Variants in C4orf17 observed in about 807,000 individuals in gnomAD.
C4orf17 encodes uncharacterized protein C4orf17.
In C4orf17, 25 loss-of-function variants were observed where a neutral mutation model predicts 32.0. The observed-to-expected ratio is 0.78, with a 90% CI of 0.57 to 1.09. The LOEUF (loss-of-function observed/expected upper bound fraction) is 1.09, where lower values mean the gene tolerates loss of function less well. Ranked by LOEUF, C4orf17 falls within the 50% of genes least tolerant of loss-of-function variation. The probability of loss-of-function intolerance (pLI) is 0.00; values close to 1 mark genes in which losing one functional copy is unlikely to be tolerated. For missense variants in C4orf17, 420 were observed against 420.0 expected (o/e 1.00, Z 0.00); for synonymous variants, 149 against 145.8 (o/e 1.02, Z -0.16).
At chr4:99,529,714 T>C in intron 4 of C4orf17, 101 bp from the exon 5 acceptor site, 1 of 954,744 alleles carries the variant, frequency 1.0e-6, no homozygotes, top group Non-Finnish European at 1.5e-6. Context: ...CATGTATCTC[T>C]CTTATTAGGC....
chr4:99,535,930 T>C (rs1413906098), intron 5 of C4orf17: 1 of 448,304 alleles, frequency 2.2e-6, no homozygotes, highest in Non-Finnish European at 4.4e-6. Context: ...GGCATCTTTG[T>C]TGTTGTTGTT....
intron 5 of C4orf17, among the ~76,000 whole-genome samples, chr4:99,534,776 T>A (rs2110173017): frequency 6.6e-6 from 1 of 152,360 alleles, no homozygotes; most frequent in Non-Finnish European, 1.5e-5. Context: ...GTGAATTTGA[T>A]CCTGTCACCA....
At chr4:99,516,425 G>A (rs1207497297) in intron 2 of C4orf17, among the ~76,000 whole-genome samples, 2 of 152,284 alleles carry the variant, frequency 1.3e-5, no homozygotes, top group East Asian at 3.9e-4. Flanking sequence ...GCATAGAAAT[G>A]ATATTTAAAG....
At chr4:99,527,207 C>T (rs1723404203) in intron 4 of C4orf17, among the ~76,000 whole-genome samples, 1 of 151,948 alleles carries the variant, frequency 6.6e-6, no homozygotes, top group Admixed American at 6.6e-5. Flanking sequence ...GGGGATTTTC[C>T]AGATATCTTT....
Position 99,522,703 on chromosome 4 carries a change from C to T in C4orf17, c.331C>T (p.His111Tyr). The T allele has an allele frequency of 6.2e-7, 1 of 1,612,746 alleles. No homozygotes were observed. Residue 111 changes from histidine to tyrosine, a missense_variant, in exon 3 of 9, where the codon CAT (histidine) becomes TAT (tyrosine). By Grantham distance (83) the His-to-Tyr change is moderately conservative. Coordinates refer to ENST00000326581, the MANE Select transcript of C4orf17 (RefSeq NM_032149.3). ...CGGTGCCAAAGTGCCTCCACGGCCT[C>T]ATTCTGGTGAGTTGAGTTAGAACTG... ...PNGAKVPPRP[H>Y]SEPSRKIKEC...
chr4:99,541,484 A>G (rs1307313225), intron 8 of C4orf17: 2 of 157,854 alleles, frequency 1.3e-5, no homozygotes, highest in Admixed American at 6.5e-5. Context: ...CTTTCTCTCC[A>G]TTGTCGATAT....
intron 2 of C4orf17, 41 bp from the exon 3 acceptor site, chr4:99,522,459 G>A: frequency 1.4e-6 from 2 of 1,476,328 alleles, no homozygotes; most frequent in Admixed American, 3.5e-5. Flanking sequence ...ATCTAATCTG[G>A]TTGCTTGATC....
chr4:99,531,374 CTG>C (rs1360896339), intron 5 of C4orf17, among the ~76,000 whole-genome samples: 6 of 152,172 alleles, frequency 3.9e-5, no homozygotes, highest in African/African-American at 1.4e-4. Flanking sequence ...AAAAGGATAA[CTG>C]TAGAAAATCA....
At position 99,522,679 on chromosome 4, in the gene C4orf17, G is replaced by A. The variant is rs574520043; in HGVS notation, c.307G>A (p.Gly103Ser). 7.4e-6 allele frequency: 12 copies of A among 1,613,762 alleles called. No individual in the cohort carries two copies. Among genetic ancestry groups the A allele is most frequent in the East Asian group, 2.2e-5 (1 of 44,860 alleles). Residue 103 changes from glycine to serine, a missense_variant, in exon 3 of 9, where the codon GGT (glycine) becomes AGT (serine). Gly to Ser is a moderately conservative substitution (Grantham distance 56). Coordinates refer to ENST00000326581, the MANE Select transcript of C4orf17 (RefSeq NM_032149.3). ...PVRGMSPAPNGAKVPPRPHSE... is the reference protein window; with the variant it reads ...PVRGMSPAPNSAKVPPRPHSE... ...AAGAGGAATGTCGCCAGCCCCAAAC[G>A]GTGCCAAAGTGCCTCCACGGCCTCA... is the stretch of plus-strand genomic sequence containing the variant.
intron 2 of C4orf17, among the ~76,000 whole-genome samples, chr4:99,518,700 T>C (rs1244238875): frequency 6.6e-6 from 1 of 150,918 alleles, no homozygotes; most frequent in Non-Finnish European, 1.5e-5. Context: ...TTCCCTATTA[T>C]GTGGCCTCAT....
chr4:99,521,089 T>C (rs1249789498), intron 2 of C4orf17, among the ~76,000 whole-genome samples: 1 of 152,152 alleles, frequency 6.6e-6, no homozygotes, highest in Admixed American at 6.5e-5. Flanking sequence ...AAGATGTAGA[T>C]GGGGCCAGGC....
At chr4:99,535,040 C>T (rs956310297) in intron 5 of C4orf17, among the ~76,000 whole-genome samples, 1 of 152,182 alleles carries the variant, frequency 6.6e-6, no homozygotes, top group African/African-American at 2.4e-5. Flanking sequence ...AAACTCTTTT[C>T]TTTAAGAATG....
chr4:99,540,884 A>G (rs1271030029), intron 8 of C4orf17: 1 of 153,936 alleles, frequency 6.5e-6, no homozygotes, highest in Non-Finnish European at 1.4e-5. Context: ...GGTGACCTAC[A>G]AGACAGCTGA....
Position 99,539,162 on chromosome 4 carries a change from GA to G in C4orf17, c.633del (p.Glu212SerfsTer6). On this transcript the variant is annotated frameshift_variant and splice_region_variant, in exon 7 of 9. Coordinates refer to ENST00000326581, the MANE Select transcript of C4orf17 (RefSeq NM_032149.3). LOFTEE classifies it high-confidence loss of function. The part of the protein sequence containing the change: ...LQWLLHATSK[E>X]KEWVSALIHS... ...CCACCCTTTTTTGTCTTTTAAACCA[GA>G]AAAAGAGTGGGTCTCAGCTTTGATT... The G allele has an allele frequency of 6.2e-7, 1 of 1,613,536 alleles. No individual in the cohort carries two copies. The highest frequency in any genetic ancestry group is 8.5e-7 in the Non-Finnish European group (1 of 1,179,564).
chr4:99,541,716 A>G (rs1028169022), intron 8 of C4orf17, 194 bp from the exon 9 acceptor site: 9 of 555,244 alleles, frequency 1.6e-5, no homozygotes, highest in South Asian at 2.3e-5. Context: ...CATGTTACAG[A>G]ACAAATAACT....
At chr4:99,540,278 A>AT (rs1199932603) in intron 7 of C4orf17, 134 bp from the exon 8 acceptor site, 1 of 561,812 alleles carries the variant, frequency 1.8e-6, no homozygotes, top group African/African-American at 1.9e-5. Context: ...TACTGTATGC[A>AT]TTAAAAAAAA....
Position 99,542,243 on chromosome 4 carries a change from A to G in C4orf17, c.*134A>G. ...TATGGTGGCACATGTAAATCTAAAA[A>G]TACCTGTATGTAATGCTACAAATAA... On this transcript the variant is annotated 3_prime_UTR_variant, in exon 9 of 9. Coordinates refer to ENST00000326581, the MANE Select transcript of C4orf17 (RefSeq NM_032149.3). 1 of 716,452 alleles carries G rather than the reference A, an allele frequency of 1.4e-6. No homozygotes were observed. Among genetic ancestry groups the G allele is most frequent in the Non-Finnish European group, 2.4e-6 (1 of 409,002 alleles). 44.4% of individuals were successfully genotyped at this position (716,452 alleles called of 1,614,324 possible). A position where few individuals can be genotyped will look rare whatever the true frequency, so the allele number is the denominator to read the frequency against.
intron 1 of C4orf17, among the ~76,000 whole-genome samples, chr4:99,511,881 G>A (rs1466340619): frequency 1.3e-5 from 2 of 152,178 alleles, no homozygotes; most frequent in East Asian, 1.9e-4. Flanking sequence ...TGCATTTAAT[G>A]TCTACATATA....
chr4:99,535,626 G>T (rs1039187756), intron 5 of C4orf17, among the ~76,000 whole-genome samples: 2 of 152,040 alleles, frequency 1.3e-5, no homozygotes, highest in Non-Finnish European at 2.9e-5. Flanking sequence ...CTTGTTATCA[G>T]CTTATGTATT....
Sources: gnomAD v4.1 joint callset for allele counts (sites outside exome capture counted in the v4.1 genomes callset) on GRCh38, gnomAD v4.1.1 for gene constraint, MANE v1.5 for transcripts, NCBI Gene and HGNC (gene_info 2026-07-23, HGNC 2026-07-21) for gene names.